Variants in URAD observed in about 807,000 individuals in gnomAD.
URAD encodes the protein putative 2-oxo-4-hydroxy-4-carboxy-5-ureidoimidazoline decarboxylase.
URAD carries 4 observed loss-of-function variants against 4.6 expected under a neutral mutation model. The ratio of observed to expected loss-of-function variants is 0.87; its 90% confidence interval spans 0.43 to 1.98. URAD has a LOEUF of 1.98. URAD is among the 30% of genes most tolerant of loss of function. The probability of loss-of-function intolerance (pLI) is 0.03; values close to 1 mark genes in which losing one functional copy is unlikely to be tolerated. For synonymous variants in URAD, 144 were observed against 118.2 expected (o/e 1.22, Z -1.41); for missense variants, 300 against 255.3 (o/e 1.18, Z -1.19).
intron 1 of URAD, 35 bp downstream of exon 1, chr13:27,988,428 C>T: frequency 6.5e-7 from 1 of 1,545,938 alleles, no homozygotes; most frequent in Non-Finnish European, 8.7e-7. Flanking sequence ...TATTTGAAAT[C>T]CCTTTGCAGA....
At position 27,977,791 on chromosome 13, in the gene URAD, T is replaced by G; in HGVS notation, c.*315A>C. ...TTAGCAGGAGAGGGTTGGGGAGAACTGGATAAACGCTTTGGAATCCACAAA... is the reference window on the plus strand; with the variant it reads ...TTAGCAGGAGAGGGTTGGGGAGAACGGGATAAACGCTTTGGAATCCACAAA... On this transcript the variant is annotated 3_prime_UTR_variant, in exon 2 of 2. Transcript: ENST00000332715. 1 of 361,818 alleles carries G rather than the reference T, an allele frequency of 2.8e-6. No individual in the cohort carries two copies. Among genetic ancestry groups the G allele is most frequent in the Non-Finnish European group, 5.0e-6 (1 of 201,802 alleles). 22.4% of individuals were successfully genotyped at this position (361,818 alleles called of 1,614,324 possible).
At position 27,978,205 on chromosome 13, in the gene URAD, G is replaced by C. The variant is rs2137553331; in HGVS notation, c.423C>G (p.Cys141Trp). The C allele has an allele frequency of 6.7e-7, 1 of 1,489,516 alleles. No homozygotes were observed. The highest frequency in any genetic ancestry group is 2.9e-5 in the East Asian group (1 of 34,942). The allele number at this position is 1,489,516 out of a possible 1,614,324, so 92.3% of individuals were successfully genotyped here. The part of the protein sequence containing the change: ...VPRELARRLL[C>W]PSAQELRTAL... ...CAGTGCGCAGCTCCTGCGCGGACGGGCAGAGCAGCCGGCGCGCCAGCTCGC... is the reference window on the plus strand; with the variant it reads ...CAGTGCGCAGCTCCTGCGCGGACGGCCAGAGCAGCCGGCGCGCCAGCTCGC... Residue 141 changes from cysteine (C) to tryptophan (W), a missense_variant, in exon 2 of 2, where the codon TGC becomes TGG. Coordinates refer to ENST00000332715, the MANE Select transcript of URAD (RefSeq NM_001105577.2).
intron 1 of URAD, among the ~76,000 whole-genome samples, chr13:27,982,032 G>T (rs1180078635): frequency 6.6e-6 from 1 of 152,074 alleles, no homozygotes; most frequent in Non-Finnish European, 1.5e-5. Context: ...CAACTGATCT[G>T]CACTCATTAA....
intron 1 of URAD, among the ~76,000 whole-genome samples, chr13:27,986,253 C>T (rs1276154124): frequency 1.3e-5 from 2 of 152,200 alleles, no homozygotes; most frequent in Admixed American, 6.5e-5. Flanking sequence ...ACCTTGGAAA[C>T]GATTTCATGC....
At chr13:27,982,271 A>C (rs1210699949) in intron 1 of URAD, among the ~76,000 whole-genome samples, 3 of 152,174 alleles carry the variant, frequency 2.0e-5, no homozygotes, top group Non-Finnish European at 4.4e-5. Flanking sequence ...TCTACTAAAA[A>C]TACAAAAATT....
Position 27,988,618 on chromosome 13 carries a change from T to G in URAD, c.20A>C (p.Asn7Thr). The G allele has an allele frequency of 6.2e-7, 1 of 1,608,644 alleles. No homozygotes were observed. The highest frequency in any genetic ancestry group is 8.5e-7 in the Non-Finnish European group (1 of 1,177,452). ...CACGAATTCTCCAAGGTCCATGGAGTTGACCTTCTCAATGTCCATTCCTTG... is the reference window on the plus strand; with the variant it reads ...CACGAATTCTCCAAGGTCCATGGAGGTGACCTTCTCAATGTCCATTCCTTG... Reference protein sequence around the residue: MDIEKVNSMDLGEFVDV... With the variant: MDIEKVTSMDLGEFVDV... The change falls in exon 1 of 2, where the codon AAC becomes ACC. Residue 7 changes from asparagine (N) to threonine (T), a missense_variant. Coordinates refer to ENST00000332715, the MANE Select transcript of URAD (RefSeq NM_001105577.2).
intron 1 of URAD, among the ~76,000 whole-genome samples, chr13:27,986,452 C>A (rs908369609): frequency 1.3e-5 from 2 of 152,036 alleles, no homozygotes; most frequent in Non-Finnish European, 2.9e-5. Flanking sequence ...TGGACTGACC[C>A]GGAACTAGAA....
chr13:27,982,612 A>G (rs1033072813), intron 1 of URAD, among the ~76,000 whole-genome samples: 1 of 152,182 alleles, frequency 6.6e-6, no homozygotes, highest in Non-Finnish European at 1.5e-5. Context: ...TTCTTTGATG[A>G]CAGCAAGATA....
chr13:27,978,502 C>G (rs1252485906), intron 1 of URAD, 50 bp from the exon 2 acceptor site: 6 of 1,244,344 alleles, frequency 4.8e-6, no homozygotes, highest in East Asian at 6.5e-5. Context: ...GCGCCCGTCC[C>G]GCACCGCGCA....
intron 1 of URAD, among the ~76,000 whole-genome samples, chr13:27,987,695 T>C (rs1262250830): frequency 1.3e-5 from 2 of 152,188 alleles, no homozygotes; most frequent in Non-Finnish European, 2.9e-5. Context: ...TTTTGCTAGG[T>C]TCCTCCTTGT....
intron 1 of URAD, among the ~76,000 whole-genome samples, chr13:27,984,532 G>A (rs902415418): frequency 6.6e-6 from 1 of 152,180 alleles, no homozygotes; most frequent in African/African-American, 2.4e-5. Context: ...TGTTAATGGT[G>A]GAGGTTTTTC....
intron 1 of URAD, among the ~76,000 whole-genome samples, chr13:27,987,734 A>G (rs78825445): frequency 0.011 from 1,684 of 152,222 alleles, 35 homozygotes; most frequent in African/African-American, 0.039. Context: ...TTTAACAGCC[A>G]CTTTCCTTAG....
intron 1 of URAD, 143 bp downstream of exon 1, chr13:27,988,319 TG>T: frequency 1.2e-6 from 1 of 813,918 alleles, no homozygotes; most frequent in Non-Finnish European, 1.8e-6. Context: ...CTCAAATTCC[TG>T]GGCTCAAGTG....
intron 1 of URAD, among the ~76,000 whole-genome samples, chr13:27,986,453 G>A (rs768765709): frequency 1.3e-5 from 2 of 152,126 alleles, no homozygotes; most frequent in Non-Finnish European, 2.9e-5. Context: ...GGACTGACCC[G>A]GAACTAGAAC....
At chr13:27,979,973 G>A (rs1869827089) in intron 1 of URAD, among the ~76,000 whole-genome samples, 1 of 152,194 alleles carries the variant, frequency 6.6e-6, no homozygotes, top group South Asian at 2.1e-4. Context: ...CAAATCACAG[G>A]CGTTTTCAGG....
chr13:27,983,059 C>T (rs1310085057), intron 1 of URAD, among the ~76,000 whole-genome samples: 1 of 152,122 alleles, frequency 6.6e-6, no homozygotes, highest in South Asian at 2.1e-4. Flanking sequence ...ACCCCAGTGA[C>T]CCATTGCACA....
intron 1 of URAD, among the ~76,000 whole-genome samples, chr13:27,983,777 C>CA (rs1869940709): frequency 6.6e-6 from 1 of 152,184 alleles, no homozygotes. Flanking sequence ...ACCCCGTTCC[C>CA]AGTGCCCACA....
intron 1 of URAD, among the ~76,000 whole-genome samples, chr13:27,982,778 G>A (rs530733387): frequency 6.6e-6 from 1 of 152,152 alleles, no homozygotes; most frequent in African/African-American, 2.4e-5. Context: ...TCGGAAAATG[G>A]TACCACCACC....
Position 27,988,554 on chromosome 13 carries a change from A to G in URAD, c.84T>C (p.Ile28=). 1 of 1,613,960 alleles carries G rather than the reference A, an allele frequency of 6.2e-7. No individual in the cohort carries two copies. Among genetic ancestry groups the G allele is most frequent in the Non-Finnish European group, 8.5e-7 (1 of 1,179,854 alleles). ...FGNATERCPL[I]AAAVWSQRPF... ...GCCGCTGGGACCAAACAGCAGCTGC[A>G]ATCAGAGGACATCTCTCAGTGGCAT... Residue 28 remains isoleucine (I), a synonymous_variant, in exon 1 of 2, where the codon ATT becomes ATC. Coordinates refer to ENST00000332715, the MANE Select transcript of URAD (RefSeq NM_001105577.2).
Sources: allele counts gnomAD v4.1 joint callset (sites outside exome capture counted in the v4.1 genomes callset), GRCh38; gene constraint gnomAD v4.1.1; transcripts MANE v1.5; gene names NCBI Gene and HGNC (gene_info 2026-07-23, HGNC 2026-07-21).